Variants in SCIN observed in about 807,000 individuals in gnomAD.
SCIN encodes the protein scinderin.
A neutral mutation model predicts 91.8 loss-of-function variants in SCIN; 91 were observed. That is an observed-to-expected ratio of 0.99 (90% CI 0.84 to 1.18). The LOEUF (loss-of-function observed/expected upper bound fraction) is 1.18, where lower values mean the gene tolerates loss of function less well. Ranked by LOEUF, SCIN falls within the 50% of genes most tolerant of loss-of-function variation. The pLI is 0.00. For missense variants in SCIN, 1,087 were observed against 863.9 expected, an observed-to-expected ratio of 1.26 and a Z score of -3.24; for synonymous variants, 367 against 312.6, an observed-to-expected ratio of 1.17 and a Z score of -1.84.
chr7:12,614,691 A>G lies in SCIN; in HGVS notation c.667-8110A>G, dbSNP rs192842169. On this transcript the variant is annotated intron_variant, in intron 4 of 15. Transcript: ENST00000297029. The stretch of plus-strand genomic sequence containing the variant: ...TTGCTGGGTCTAGCCAGTAACTCCC[A>G]TCCCTCATTGCTTGAGCATTGCTCC... 5.3e-5 allele frequency among the ~76,000 whole-genome samples: 8 copies of G among 152,274 alleles called. 2 individuals are homozygous for G. Among genetic ancestry groups the G allele is most frequent in the African/African-American group, 1.9e-4 (8 of 41,564 alleles).
At chr7:12,638,364 C>A (rs919667173) in intron 10 of SCIN, among the ~76,000 whole-genome samples, 3 of 152,140 alleles carry the variant, frequency 2.0e-5, no homozygotes, top group Non-Finnish European at 4.4e-5. Context: ...TTGTCTTTGG[C>A]CAGTTTCTGA....
At chr7:12,613,572 G>C (rs1783239850) in intron 4 of SCIN, among the ~76,000 whole-genome samples, 1 of 152,114 alleles carries the variant, frequency 6.6e-6, no homozygotes, top group South Asian at 2.1e-4. Context: ...GTGGCCACCT[G>C]GATTGTGCTT....
chr7:12,604,740 A>C, intron 4 of SCIN, 77 bp downstream of exon 4: 3 of 645,394 alleles, frequency 4.6e-6, no homozygotes, highest in Non-Finnish European at 7.0e-6. Flanking sequence ...GTGTGTGTGT[A>C]AGGCAGCAGG....
intron 4 of SCIN, among the ~76,000 whole-genome samples, chr7:12,605,080 C>G (rs1783047913): frequency 6.6e-6 from 1 of 152,030 alleles, no homozygotes; most frequent in South Asian, 2.1e-4. Context: ...GAGACGGAGT[C>G]TTGCTCTGTC....
In SCIN at chr7:12,655,463, A is replaced by G. The variant is rs1784150226; in HGVS notation, c.*2748A>G. On this transcript the variant is annotated 3_prime_UTR_variant, in exon 16 of 16. Transcript: ENST00000297029. ...AAAATGGCCAAAAGACATGAATAGA[A>G]GTTCACAGAAAAGAATGAAAATGAC... The G allele has an allele frequency of 6.6e-6, 1 of 152,190 alleles. No individual in the cohort carries two copies. Among genetic ancestry groups the G allele is most frequent in the South Asian group, 2.1e-4 (1 of 4,830 alleles). 9.4% of individuals were successfully genotyped at this position (152,190 alleles called of 1,614,324 possible).
chr7:12,647,768 T>A (rs1030542669), intron 13 of SCIN, among the ~76,000 whole-genome samples: 2 of 152,220 alleles, frequency 1.3e-5, no homozygotes, highest in Non-Finnish European at 2.9e-5. Flanking sequence ...TATAACAATC[T>A]CAAAATCTCA....
Position 12,608,031 on chromosome 7 carries a change from C to T in SCIN, c.666+3368C>T, listed in dbSNP as rs935649577. Among the ~76,000 whole-genome samples the T allele has an allele frequency of 2.6e-5, 4 of 152,094 alleles. No homozygotes were observed. In the South Asian group the frequency reaches 8.3e-4, roughly 31 times the overall value. ...TGTGACTTTTCAGCTCACATTATAG[C>T]TATTGTACACAACCTCAAAATACGT... On this transcript the variant is annotated intron_variant, in intron 4 of 15. Coordinates refer to ENST00000297029, the MANE Select transcript of SCIN (RefSeq NM_001112706.3).
intron 4 of SCIN, among the ~76,000 whole-genome samples, chr7:12,617,267 A>G (rs1385406684): frequency 4.6e-5 from 7 of 152,104 alleles, no homozygotes; most frequent in Non-Finnish European, 1.5e-5. Flanking sequence ...CATAGTAATA[A>G]TCACATGATA....
At chr7:12,582,286 T>C (rs1782503693) in intron 3 of SCIN, among the ~76,000 whole-genome samples, 1 of 152,194 alleles carries the variant, frequency 6.6e-6, no homozygotes, top group Non-Finnish European at 1.5e-5. Context: ...CCAAAAGAGC[T>C]TATTCCATCT....
Position 12,658,517 on chromosome 7 carries a change from T to C in SCIN, c.*5802T>C, listed in dbSNP as rs1312152891. The C allele has an allele frequency of 6.6e-6, 1 of 152,218 alleles. No individual in the cohort carries two copies. Among genetic ancestry groups the C allele is most frequent in the African/African-American group, 2.4e-5 (1 of 41,462 alleles). The allele number at this position is 152,218 out of a possible 1,614,324, so 9.4% of individuals were successfully genotyped here. On this transcript the variant is annotated 3_prime_UTR_variant, in exon 16 of 16. Transcript: ENST00000297029. Reference sequence around the variant, plus strand: ...TTCTGAGAAACAATGTTGTTCCACATTTTAGAGTTTTGGCATGCATAATGG... The same window carrying C: ...TTCTGAGAAACAATGTTGTTCCACACTTTAGAGTTTTGGCATGCATAATGG...
At chr7:12,587,715 C>T (rs1022295016) in intron 3 of SCIN, among the ~76,000 whole-genome samples, 2 of 152,184 alleles carry the variant, frequency 1.3e-5, no homozygotes, top group East Asian at 1.9e-4. Context: ...TGCTTAGGCT[C>T]ATGGAGGGGT....
chr7:12,573,524 T>C (rs1199141546), intron 1 of SCIN, among the ~76,000 whole-genome samples: 1 of 152,192 alleles, frequency 6.6e-6, no homozygotes, highest in African/African-American at 2.4e-5. Context: ...TTGAATGTAT[T>C]AACATCATAT....
chr7:12,625,061 C>G lies in SCIN; in HGVS notation c.811C>G (p.Pro271Ala), dbSNP rs373419530. ...AGTGACTGTGGTGGCAGAAGAAAAC[C>G]CCTTCTCAATGGCAATGCTGCTGTC... ...MRVTVVAEEN[P>A]FSMAMLLSEE... Residue 271 changes from proline to alanine, a missense_variant, in exon 6 of 16, where the codon CCC becomes GCC. Transcript: ENST00000297029. The G allele has an allele frequency of 6.3e-7, 1 of 1,592,268 alleles. No individual in the cohort carries two copies. The highest frequency in any genetic ancestry group is 1.3e-5 in the African/African-American group (1 of 74,704).
chr7:12,617,589 C>T (rs899086205), intron 4 of SCIN, among the ~76,000 whole-genome samples: 2 of 152,086 alleles, frequency 1.3e-5, no homozygotes, highest in Non-Finnish European at 2.9e-5. Flanking sequence ...GCTCTCAGAC[C>T]ACCAGGCCCT....
chr7:12,603,145 C>T (rs1367882741), intron 3 of SCIN, among the ~76,000 whole-genome samples: 1 of 151,912 alleles, frequency 6.6e-6, no homozygotes, highest in African/African-American at 2.4e-5. Flanking sequence ...ATTAAAAGCA[C>T]ATTTAATTTT....
chr7:12,577,785 G>A, intron 1 of SCIN: 1 of 424,878 alleles, frequency 2.4e-6, no homozygotes, highest in Non-Finnish European at 4.3e-6. Flanking sequence ...AAGCCCCAGA[G>A]TTTGGGGTTA....
At chr7:12,603,448 T>A (rs1783001520) in intron 3 of SCIN, among the ~76,000 whole-genome samples, 1 of 152,172 alleles carries the variant, frequency 6.6e-6, no homozygotes, top group South Asian at 2.1e-4. Context: ...TGACCTTAAT[T>A]TTTTTATAAT....
At chr7:12,620,132 A>G in intron 4 of SCIN, among the ~76,000 whole-genome samples, 1 of 152,070 alleles carries the variant, frequency 6.6e-6, no homozygotes, top group South Asian at 2.1e-4. Context: ...ATATTTTGAT[A>G]GAAGTATAAG....
chr7:12,571,007 G>C (rs1010252524), intron 1 of SCIN, 22 bp downstream of exon 1: 4 of 1,541,370 alleles, frequency 2.6e-6, no homozygotes, highest in Admixed American at 2.0e-5. Context: ...CGGGCGGCGG[G>C]ACCCCGACGC....
Sources: gnomAD v4.1 joint callset for allele counts (sites outside exome capture counted in the v4.1 genomes callset) on GRCh38, gnomAD v4.1.1 for gene constraint, MANE v1.5 for transcripts, NCBI Gene and HGNC (gene_info 2026-07-23, HGNC 2026-07-21) for gene names.